Variants in ZNF442 observed in about 807,000 individuals in gnomAD.
ZNF442 encodes the protein zinc finger protein 442.
Under a neutral mutation model 57.0 loss-of-function variants are expected in ZNF442, and 45 were observed. That is an observed-to-expected ratio of 0.79 (90% CI 0.62 to 1.01). The LOEUF is 1.01. Ranked by LOEUF, ZNF442 falls within the 50% of genes least tolerant of loss-of-function variation. ZNF442 has a pLI of 0.00. For synonymous variants in ZNF442, 213 were observed against 241.8 expected (o/e 0.88, Z 1.10); for missense variants, 690 against 756.5 (o/e 0.91, Z 1.03).
chr19:12,350,683 G>A lies in ZNF442; in HGVS notation c.902C>T (p.Ala301Val), dbSNP rs1354705202. The stretch of plus-strand genomic sequence containing the variant: ...TCGAAGGGAACTGGAAACACTGAAG[G>A]CTCTTCCACATCGTTTACATTTATA... ...KPYKCKRCGR[A>V]FSVSSSLRIH... is the part of the protein sequence containing the mutation. The change falls in exon 6 of 6, where the codon GCC becomes GTC. Residue 301 changes from alanine (A) to valine (V), a missense_variant. By Grantham distance (64) the Ala-to-Val change is moderately conservative (BLOSUM62 0). Transcript: ENST00000242804. 6.2e-7 allele frequency: 1 copy of A among 1,613,694 alleles called. No homozygotes were observed.
rs537651121 is a variant in ZNF442 at position 12,351,191 on chromosome 19, A to C, written c.394T>G (p.Cys132Gly). The change falls in exon 6 of 6, where the codon TGC (cysteine) becomes GGC (glycine). Residue 132 changes from cysteine to glycine, a missense_variant. Cys to Gly is a radical substitution (Grantham distance 159). Transcript: ENST00000242804. ...GEIMGCSFLN[C>G]YITFDAGHKP... is the part of the protein sequence containing the mutation. ...TGTCCAGCATCAAATGTGATATAGC[A>C]ATTAAGGAATGAACAACCCATGATT... 8.7e-5 allele frequency: 141 copies of C among 1,614,044 alleles called. 2 individuals carry two copies. In the Admixed American group the frequency reaches 2.3e-3, roughly 26 times the overall value.
chr19:12,354,870 A>G (rs1020921436), intron 3 of ZNF442, among the ~76,000 whole-genome samples: 5 of 152,240 alleles, frequency 3.3e-5, no homozygotes, highest in Non-Finnish European at 5.9e-5. Flanking sequence ...GACAGACAAT[A>G]TATGTGTTAA....
chr19:12,365,693 C>A, upstream of ZNF442: 1 of 204,448 alleles, frequency 4.9e-6, no homozygotes, highest in Non-Finnish European at 1.0e-5. Flanking sequence ...CACCCTCCTC[C>A]CGGCAGCGCG....
rs371704928 is a variant in ZNF442, at chr19:12,352,984, T to C, written c.205+4A>G. On this transcript the variant is annotated splice_donor_region_variant and intron_variant, in intron 4 of 5. Coordinates refer to ENST00000242804, the MANE Select transcript of ZNF442 (RefSeq NM_030824.3). ...ACTAAGTGAAGACATAATGTCATTT[T>C]TACCTATACAGTCCAGGTTCCTAAT... 6.3e-7 allele frequency: 1 copy of C among 1,596,058 alleles called. No homozygotes were observed. The highest frequency in any genetic ancestry group is 1.4e-5 in the African/African-American group (1 of 73,698).
At chr19:12,372,730 A>G in the ZNF442 span, among the ~76,000 whole-genome samples, 1 of 152,190 alleles carries the variant, frequency 6.6e-6, no homozygotes, top group Non-Finnish European at 1.5e-5. Flanking sequence ...CAATTCTTTG[A>G]TGTTCCAAAT....
intron 3 of ZNF442, among the ~76,000 whole-genome samples, chr19:12,357,364 TTTTTTTG>T (rs1453971189): frequency 2.1e-5 from 3 of 140,624 alleles, no homozygotes; most frequent in African/African-American, 8.6e-5. Flanking sequence ...TTTTTTTTTT[TTTTTTTG>T]GACAGAGTCT....
At position 12,351,047 on chromosome 19, in the gene ZNF442, G is replaced by A. The variant is rs139605905; in HGVS notation, c.538C>T (p.Arg180Cys). ...TQERPHTGKK[R>C]YDCKECGKTF... Reference sequence around the variant, plus strand: ...TTCCCACATTCCTTACAATCATAGCGTTTCTTTCCAGTGTGAGGTCTTTCC... The same window carrying A: ...TTCCCACATTCCTTACAATCATAGCATTTCTTTCCAGTGTGAGGTCTTTCC... The change falls in exon 6 of 6, where the codon CGC becomes TGC. Residue 180 changes from arginine (R) to cysteine (C), a missense_variant. Coordinates refer to ENST00000242804, the MANE Select transcript of ZNF442 (RefSeq NM_030824.3). 3.5e-5 allele frequency: 56 copies of A among 1,614,028 alleles called. No homozygotes were observed. The highest frequency in any genetic ancestry group is 4.3e-5 in the Non-Finnish European group (51 of 1,180,014).
chr19:12,363,964 G>A (rs7255907), intron 2 of ZNF442, among the ~76,000 whole-genome samples: 1 of 152,126 alleles, frequency 6.6e-6, no homozygotes, highest in Non-Finnish European at 1.5e-5. Flanking sequence ...AGTTTCTAAA[G>A]GGGACTTTCA....
rs146226078 is a variant in ZNF442 at position 12,349,026 on chromosome 19, C to CAAAAAAAAAAAAAAAAAA, written c.*657_*674dup. The CAAAAAAAAAAAAAAAAAA allele has an allele frequency of 1.7e-5, 1 of 58,990 alleles. No homozygotes were observed. The highest frequency in any genetic ancestry group is 2.2e-4 in the Admixed American group (1 of 4,648). The allele number at this position is 58,990 out of a possible 1,614,324, so 3.7% of individuals were successfully genotyped here. ...TGAAACCCCGTCTCTACTAAAAATA[C>CAAAAAAAAAAAAAAAAAA]AAAAAAAAAAAAAAAAAAAAAAAAA... On this transcript the variant is annotated 3_prime_UTR_variant, in exon 6 of 6. Coordinates refer to ENST00000242804, the MANE Select transcript of ZNF442 (RefSeq NM_030824.3).
chr19:12,363,701 C>G, intron 2 of ZNF442, 30 bp from the exon 3 acceptor site: 1 of 1,408,362 alleles, frequency 7.1e-7, no homozygotes, highest in South Asian at 1.2e-5. Context: ...AGGTGATTGT[C>G]CCAAGGGTTA....
At chr19:12,362,695 C>A (rs1969455960) in intron 3 of ZNF442, among the ~76,000 whole-genome samples, 1 of 152,012 alleles carries the variant, frequency 6.6e-6, no homozygotes, top group African/African-American at 2.4e-5. Context: ...CGGCCGCCAC[C>A]CCGTCTGGGA....
chr19:12,364,555 G>C (rs1462864838), intron 2 of ZNF442, among the ~76,000 whole-genome samples: 1 of 152,108 alleles, frequency 6.6e-6, no homozygotes, highest in East Asian at 1.9e-4. Flanking sequence ...ACTGAGGAGG[G>C]AAAGTTAGCC....
At chr19:12,357,481 A>G (rs758080910) in intron 3 of ZNF442, among the ~76,000 whole-genome samples, 6 of 149,696 alleles carry the variant, frequency 4.0e-5, no homozygotes, top group Non-Finnish European at 8.9e-5. Flanking sequence ...CCTCCCAAGT[A>G]GCTGGGATTA....
upstream of ZNF442, among the ~76,000 whole-genome samples, chr19:12,368,937 T>A (rs1199632419): frequency 1.3e-5 from 2 of 152,072 alleles, no homozygotes; most frequent in South Asian, 2.1e-4. Context: ...AGTGTGAAAA[T>A]GCTCTCTCCT....
At chr19:12,354,340 A>G (rs1307615328) in intron 3 of ZNF442, among the ~76,000 whole-genome samples, 1 of 152,216 alleles carries the variant, frequency 6.6e-6, no homozygotes, top group African/African-American at 2.4e-5. Context: ...TAAACTTTTT[A>G]TTAGGTAATG....
intron 3 of ZNF442, among the ~76,000 whole-genome samples, chr19:12,356,475 A>G (rs1156783252): frequency 2.6e-5 from 4 of 152,054 alleles, no homozygotes; most frequent in Admixed American, 2.0e-4. Context: ...TAAAAATACA[A>G]AATTAGCCGG....
At position 12,349,781 on chromosome 19, in the gene ZNF442, A is replaced by T; in HGVS notation, c.1804T>A (p.Cys602Ser). ...CTCAGTGCCTTCCCACATTCCTTAC[A>T]TTCATGCATCTTCTCTCCAGTGTGA... ...KTHTGEKMHE[C>S]KECGKALSSL... Residue 602 changes from cysteine (C) to serine (S), a missense_variant, in exon 6 of 6, where the codon TGT becomes AGT. Transcript: ENST00000242804. 2 of 1,614,194 alleles carry T rather than the reference A, an allele frequency of 1.2e-6. No individual in the cohort carries two copies. The highest frequency in any genetic ancestry group is 1.7e-6 in the Non-Finnish European group (2 of 1,180,024).
Position 12,349,904 on chromosome 19 carries a change from G to C in ZNF442, c.1681C>G (p.Arg561Gly), listed in dbSNP as rs372130409. ...KAFSWLTCLLRHERIHTGKKS... is the reference protein window; with the variant it reads ...KAFSWLTCLLGHERIHTGKKS... ...TTTCCAGTGTGAATTCTTTCATGTC[G>C]CAGAAGGCAAGTGAGCCAAGAGAAT... The change falls in exon 6 of 6, where the codon CGA (arginine) becomes GGA (glycine). Residue 561 changes from arginine (R) to glycine (G), a missense_variant. Physicochemically the swap from Arg to Gly is moderately radical, Grantham distance 125. Transcript: ENST00000242804. 1.9e-6 allele frequency: 3 copies of C among 1,613,888 alleles called. No individual in the cohort carries two copies. The highest frequency in any genetic ancestry group is 1.7e-4 in the Middle Eastern group (1 of 6,060).
In ZNF442 at chr19:12,346,962, T is replaced by A. The variant is rs145442666; in HGVS notation, c.*2739A>T. 6.6e-6 allele frequency: 1 copy of A among 152,310 alleles called. No homozygotes were observed. The highest frequency in any genetic ancestry group is 2.4e-5 in the African/African-American group (1 of 41,570). 9.4% of individuals were successfully genotyped at this position (152,310 alleles called of 1,614,324 possible). On this transcript the variant is annotated 3_prime_UTR_variant, in exon 6 of 6. Transcript: ENST00000242804. The stretch of plus-strand genomic sequence containing the variant: ...ATAGGATGGAATAGGTAATTACATG[T>A]ATGGAACACTAAGTAGATAGAGCAA...
Sources: gnomAD v4.1 joint callset for allele counts (sites outside exome capture counted in the v4.1 genomes callset) on GRCh38, gnomAD v4.1.1 for gene constraint, MANE v1.5 for transcripts, NCBI Gene and HGNC (gene_info 2026-07-23, HGNC 2026-07-21) for gene names.